Variants in PELI3 observed in about 807,000 individuals in gnomAD.
The protein encoded by PELI3 is pellino E3 ubiquitin protein ligase family member 3, also known as E3 ubiquitin-protein ligase pellino homolog 3.
A neutral mutation model predicts 35.5 loss-of-function variants in PELI3; 19 were observed. The observed-to-expected ratio is 0.54, with a 90% confidence interval of 0.37 to 0.79. The LOEUF is 0.79. Ranked by LOEUF, PELI3 falls within the 30% of genes least tolerant of loss-of-function variation. PELI3 has a pLI of 0.00. For missense variants in PELI3, 490 were observed against 661.2 expected (o/e 0.74, Z 2.84); for synonymous variants, 262 against 279.2 (o/e 0.94, Z 0.62).
chr11:66,469,250 TAA>T (rs149842578), intron 3 of PELI3, among the ~76,000 whole-genome samples: 6 of 145,338 alleles, frequency 4.1e-5, no homozygotes, highest in African/African-American at 1.0e-4. Flanking sequence ...ACACATGCTT[TAA>T]AAAAAAAAAA....
At chr11:66,474,148 G>A in intron 7 of PELI3, 1 of 696,996 alleles carries the variant, frequency 1.4e-6, no homozygotes, top group Non-Finnish European at 2.6e-6. Flanking sequence ...GCATACCACT[G>A]GAGGTCCAGG....
Position 66,473,918 on chromosome 11 carries a change from G to T in PELI3, c.833G>T (p.Gly278Val). The T allele has an allele frequency of 6.2e-7, 1 of 1,613,138 alleles. No individual in the cohort carries two copies. Residue 278 changes from glycine to valine, a missense_variant, in exon 7 of 8, where the codon GGC (glycine) becomes GTC (valine). Gly to Val is a moderately radical substitution (Grantham distance 109). Around this residue, in one of 3 missense-constraint regions of PELI3, gnomAD observed 349 missense variants for 484.8 expected, o/e 0.72. Coordinates refer to ENST00000320740, the MANE Select transcript of PELI3 (RefSeq NM_145065.3). This position sits in a 1 kb window ranked among gnomAD's most constrained non-coding sequence, Gnocchi z 5.8. Reference protein sequence around the residue: ...LRDSRSAQQRGKLVENESNVL... With the variant: ...LRDSRSAQQRVKLVENESNVL... ...GACAGCCGCTCAGCCCAGCAGCGGGGCAAGCTGGTAGGTGGCCCGCTCCAT... is the reference window on the plus strand; with the variant it reads ...GACAGCCGCTCAGCCCAGCAGCGGGTCAAGCTGGTAGGTGGCCCGCTCCAT...
chr11:66,476,363 G>C lies in PELI3; in HGVS notation c.*196G>C, dbSNP rs1258101798. The C allele has an allele frequency of 8.0e-6, 5 of 628,560 alleles. No homozygotes were observed. The highest frequency in any genetic ancestry group is 1.4e-5 in the Non-Finnish European group (5 of 364,980). 38.9% of individuals were successfully genotyped at this position (628,560 alleles called of 1,614,324 possible). On this transcript the variant is annotated 3_prime_UTR_variant, in exon 8 of 8. Transcript: ENST00000320740. ...CCAAGATCTCCACCCCAGTCATGCT[G>C]ATGGGGCCTTCAGCACCAGCTCTGT...
chr11:66,476,313 C>G lies in PELI3; in HGVS notation c.*146C>G. 1 of 909,960 alleles carries G rather than the reference C, an allele frequency of 1.1e-6. No homozygotes were observed. The highest frequency in any genetic ancestry group is 1.8e-5 in the South Asian group (1 of 56,342). The allele number at this position is 909,960 out of a possible 1,614,324, so 56.4% of individuals were successfully genotyped here. A position where few individuals can be genotyped will look rare whatever the true frequency, so the allele number is the denominator to read the frequency against. ...GTTGGATGGGCTGTGCCCTTCCCCC[C>G]AACTGTGGCCCCCCAAGGAGGTCCC... On this transcript the variant is annotated 3_prime_UTR_variant, in exon 8 of 8. Coordinates refer to ENST00000320740, the MANE Select transcript of PELI3 (RefSeq NM_145065.3).
At chr11:66,474,098 C>T in intron 7 of PELI3, 173 bp downstream of exon 7, 1 of 837,232 alleles carries the variant, frequency 1.2e-6, no homozygotes, top group South Asian at 1.4e-5. Context: ...CCACTTGTCC[C>T]ACAGACAGGC....
At chr11:66,470,121 C>T (rs749717560) in intron 3 of PELI3, among the ~76,000 whole-genome samples, 2 of 152,156 alleles carry the variant, frequency 1.3e-5, no homozygotes, top group Non-Finnish European at 2.9e-5. Flanking sequence ...TTAACAAACT[C>T]ACTAGAAGAT....
At chr11:66,472,819 G>A (rs1424104196) in intron 5 of PELI3, among the ~76,000 whole-genome samples, 2 of 152,234 alleles carry the variant, frequency 1.3e-5, no homozygotes, top group Non-Finnish European at 2.9e-5. Flanking sequence ...TCTGTAAAAT[G>A]AGGCCCATAA....
At position 66,475,599 on chromosome 11, in the gene PELI3, T is replaced by C; in HGVS notation, c.842T>C (p.Val281Ala). The change falls in exon 8 of 8, where the codon GTG becomes GCG. Residue 281 changes from valine (V) to alanine (A), a missense_variant and splice_region_variant. Val to Ala is a moderately conservative substitution (Grantham distance 64, BLOSUM62 0). This residue lies in a region of PELI3 where 349 missense variants were observed against 484.8 expected (regional missense o/e 0.72). Transcript: ENST00000320740. ...AGGCCCTTCTACTGCCTCTGGCAGG[T>C]GGAAAACGAGTCCAACGTGCTGCAG... is the stretch of plus-strand genomic sequence containing the variant. ...SRSAQQRGKL[V>A]ENESNVLQDG... The C allele has an allele frequency of 6.2e-7, 1 of 1,612,020 alleles. No individual in the cohort carries two copies. Among genetic ancestry groups the C allele is most frequent in the Non-Finnish European group, 8.5e-7 (1 of 1,179,710 alleles).
intron 2 of PELI3, 109 bp downstream of exon 2, chr11:66,468,389 C>A: frequency 2.7e-6 from 3 of 1,097,194 alleles, no homozygotes; most frequent in Admixed American, 3.3e-5. Flanking sequence ...GCTGTTTGTC[C>A]CTCCTCACCT....
chr11:66,471,231 G>C lies in PELI3; in HGVS notation c.225-11G>C, dbSNP rs1057273908. On this transcript the variant is annotated splice_polypyrimidine_tract_variant and intron_variant, in intron 3 of 7. Coordinates refer to ENST00000320740, the MANE Select transcript of PELI3 (RefSeq NM_145065.3). ...TTGCAACCCCTTCTTCTTAACCCCC[G>C]ACATCTACAGCTACAATGGTTGTCT... 5 of 1,606,876 alleles carry C rather than the reference G, an allele frequency of 3.1e-6. No individual in the cohort carries two copies. The highest frequency in any genetic ancestry group is 1.7e-5 in the Admixed American group (1 of 59,758).
rs58883837 is a variant in PELI3 at position 66,475,387 on chromosome 11, G to A, written c.841-211G>A. ...GGTCAGACTTCCTGATTAGACAGAT[G>A]GGGAAACCAAGGCCCATGCCCCGTT... On this transcript the variant is annotated intron_variant, in intron 7 of 7. Coordinates refer to ENST00000320740, the MANE Select transcript of PELI3 (RefSeq NM_145065.3). Among the ~76,000 whole-genome samples, 467 of 152,348 alleles carry A rather than the reference G, an allele frequency of 3.1e-3. 2 individuals carry two copies. The highest frequency in any genetic ancestry group is 0.011 in the African/African-American group (444 of 41,582).
chr11:66,468,741 T>C (rs774982211), intron 2 of PELI3, 92 bp from the exon 3 acceptor site: 129 of 674,120 alleles, frequency 1.9e-4, no homozygotes, highest in Non-Finnish European at 3.2e-4. Context: ...GTAAAGTACA[T>C]AGAACAGCGC....
At chr11:66,468,771 C>A in intron 2 of PELI3, 62 bp from the exon 3 acceptor site, 1 of 763,690 alleles carries the variant, frequency 1.3e-6, no homozygotes, top group Admixed American at 1.7e-5. Context: ...ATCGAGTGTT[C>A]TGGGAGGCAG....
chr11:66,471,481 C>A, intron 4 of PELI3, 110 bp downstream of exon 4: 2 of 1,393,904 alleles, frequency 1.4e-6, no homozygotes, highest in East Asian at 2.4e-5. Flanking sequence ...ACAGGGGAGC[C>A]CACTTTGTGT....
At chr11:66,475,565 T>A (rs1426780980) in intron 7 of PELI3, 33 bp from the exon 8 acceptor site, 1 of 1,601,186 alleles carries the variant, frequency 6.2e-7, no homozygotes. Context: ...AGGGGCCTCT[T>A]GGGCAGTAAG....
Position 66,473,770 on chromosome 11 carries a change from C to T in PELI3, c.685C>T (p.Leu229=), listed in dbSNP as rs745700028. The change falls in exon 7 of 8, where the codon CTG becomes TTG. Residue 229 remains leucine (L), a synonymous_variant. Coordinates refer to ENST00000320740, the MANE Select transcript of PELI3 (RefSeq NM_145065.3). The surrounding 1 kb of genome is among the most constrained non-coding windows in gnomAD (Gnocchi z 5.8). ...GGCCAAATGGCGGACCCCAGATGGC[C>T]TGATGGATGGACTGACCACCAATGG... is the stretch of plus-strand genomic sequence containing the variant. ...RAAKWRTPDG[L]MDGLTTNGVL... is the part of the protein sequence containing the mutation. 6 of 1,613,946 alleles carry T rather than the reference C, an allele frequency of 3.7e-6. No individual in the cohort carries two copies. In the South Asian group the frequency reaches 4.4e-5, roughly 12 times the overall value.
Position 66,468,035 on chromosome 11 carries a change from T to G in PELI3, c.-1-93T>G, listed in dbSNP as rs556173779. 9.6e-6 allele frequency: 14 copies of G among 1,454,756 alleles called. No individual in the cohort carries two copies. In the African/African-American group the frequency reaches 1.9e-4, roughly 20 times the overall value. The allele number at this position is 1,454,756 out of a possible 1,614,324, so 90.1% of individuals were successfully genotyped here. A position where few individuals can be genotyped will look rare whatever the true frequency, so the allele number is the denominator to read the frequency against. On this transcript the variant is annotated intron_variant, in intron 1 of 7. Coordinates refer to ENST00000320740, the MANE Select transcript of PELI3 (RefSeq NM_145065.3). The stretch of plus-strand genomic sequence containing the variant: ...GAGGCGGTGAAAGGTCACCCTTGCC[T>G]TAGCCTAGGCGGCCCTGCAGCAGGC...
rs951836220 is a variant in PELI3, at chr11:66,468,774, G to T, written c.153-59G>T. 5 of 765,656 alleles carry T rather than the reference G, an allele frequency of 6.5e-6. No individual in the cohort carries two copies. The African/African-American group carries it at 8.5e-5, about 13-fold the overall frequency. 47.4% of individuals were successfully genotyped at this position (765,656 alleles called of 1,614,324 possible). A position where few individuals can be genotyped will look rare whatever the true frequency, so the allele number is the denominator to read the frequency against. On this transcript the variant is annotated intron_variant, in intron 2 of 7. Coordinates refer to ENST00000320740, the MANE Select transcript of PELI3 (RefSeq NM_145065.3). Reference sequence around the variant, plus strand: ...CGCCTAGCACATATCGAGTGTTCTGGGAGGCAGGCCTGTGCCAAGCCCTTT... The same window carrying T: ...CGCCTAGCACATATCGAGTGTTCTGTGAGGCAGGCCTGTGCCAAGCCCTTT...
intron 7 of PELI3, chr11:66,474,665 C>G (rs1854839678): frequency 6.6e-6 from 1 of 152,526 alleles, no homozygotes; most frequent in Non-Finnish European, 1.5e-5. Flanking sequence ...CAAGCCTACT[C>G]TTCTTGAGCA....
Sources: allele counts gnomAD v4.1 joint callset (sites outside exome capture counted in the v4.1 genomes callset), GRCh38; gene constraint gnomAD v4.1.1; regional missense constraint gnomAD v4.1.1; non-coding constraint Gnocchi (gnomAD v3.1); transcripts MANE v1.5; gene names NCBI Gene and HGNC (gene_info 2026-07-23, HGNC 2026-07-21).